Variants in HAUS1 observed in about 807,000 individuals in gnomAD.
The protein encoded by HAUS1 is HAUS augmin like complex subunit 1, also known as HAUS augmin-like complex subunit 1.
Under a neutral mutation model 38.6 loss-of-function variants are expected in HAUS1, and 25 were observed. The ratio of observed to expected loss-of-function variants is 0.65; its 90% CI spans 0.47 to 0.91. The LOEUF (loss-of-function observed/expected upper bound fraction) is 0.91. HAUS1 is among the 40% of genes least tolerant of loss of function. The pLI is 0.00. For missense variants in HAUS1, 325 were observed against 328.4 expected, an observed-to-expected ratio of 0.99 and a Z score of 0.08; for synonymous variants, 109 against 112.9, an observed-to-expected ratio of 0.97 and a Z score of 0.22.
At chr18:46,125,267 A>G (rs1326696360) in intron 7 of HAUS1, among the ~76,000 whole-genome samples, 2 of 149,922 alleles carry the variant, frequency 1.3e-5, no homozygotes, top group East Asian at 2.0e-4. Flanking sequence ...CTCAAAAAAA[A>G]AGGCTGGGCA....
chr18:46,119,967 G>A lies in HAUS1; in HGVS notation c.383G>A (p.Arg128His), dbSNP rs147895912. Residue 128 changes from arginine to histidine, a missense_variant, in exon 4 of 9, where the codon CGT becomes CAT. Coordinates refer to ENST00000282058, the MANE Select transcript of HAUS1 (RefSeq NM_138443.4). ...AVNDLTSDLF[R>H]TKSKSEEIKI... is the part of the protein sequence containing the mutation. The stretch of plus-strand genomic sequence containing the variant: ...AATGATTTGACCTCTGATCTCTTTC[G>A]TACCAAATCCAAAAGTGAAGAAATC... 32 of 1,608,470 alleles carry A rather than the reference G, an allele frequency of 2.0e-5. No individual in the cohort carries two copies. The highest frequency in any genetic ancestry group is 4.5e-5 in the East Asian group (2 of 44,712).
chr18:46,111,820 C>T (rs915891537), intron 2 of HAUS1, among the ~76,000 whole-genome samples: 7 of 151,422 alleles, frequency 4.6e-5, no homozygotes, highest in African/African-American at 1.7e-4. Flanking sequence ...TTCCATTATG[C>T]GTATGTTGGT....
intron 6 of HAUS1, 116 bp from the exon 7 acceptor site, chr18:46,124,706 C>A: frequency 3.5e-6 from 2 of 564,352 alleles, no homozygotes; most frequent in Non-Finnish European, 6.3e-6. Context: ...TATTCGATAA[C>A]GTTATTTAAA....
intron 4 of HAUS1, among the ~76,000 whole-genome samples, chr18:46,120,750 TGA>T (rs1052634938): frequency 6.6e-6 from 1 of 151,484 alleles, no homozygotes; most frequent in African/African-American, 2.4e-5. Context: ...CATGCCCAGC[TGA>T]TTTTTGTGTT....
chr18:46,123,412 C>A, intron 6 of HAUS1, 48 bp downstream of exon 6: 1 of 1,239,332 alleles, frequency 8.1e-7, no homozygotes, highest in Non-Finnish European at 1.2e-6. Flanking sequence ...TTTTACTCCA[C>A]AGTCTGCTTT....
chr18:46,120,087 C>A, intron 4 of HAUS1, 27 bp downstream of exon 4: 1 of 1,512,342 alleles, frequency 6.6e-7, no homozygotes, highest in Admixed American at 2.0e-5. Context: ...AGAGTGGTGA[C>A]AATTTATAAA....
At chr18:46,108,883 A>G (rs1016586124) in intron 2 of HAUS1, among the ~76,000 whole-genome samples, 52 of 152,168 alleles carry the variant, frequency 3.4e-4, no homozygotes, top group African/African-American at 1.2e-3. Flanking sequence ...CATCCTGGCT[A>G]ACACGGTGAA....
intron 2 of HAUS1, among the ~76,000 whole-genome samples, chr18:46,106,468 CAA>C (rs1158577669): frequency 3.8e-5 from 4 of 105,088 alleles, no homozygotes; most frequent in Admixed American, 1.0e-4. Context: ...GACTCCGTCT[CAA>C]AAAAAAAAAA....
At position 46,122,514 on chromosome 18, in the gene HAUS1, T is replaced by C. The variant is rs751755277; in HGVS notation, c.524T>C (p.Val175Ala). Residue 175 changes from valine to alanine, a missense_variant, in exon 5 of 9, where the codon GTT becomes GCT. By Grantham distance (64) the Val-to-Ala change is moderately conservative. Coordinates refer to ENST00000282058, the MANE Select transcript of HAUS1 (RefSeq NM_138443.4). ...CATCTGTCTACAGAAAGGGCCAAAG[T>C]TGATAATCGTCGTCAGAACATGGAC... The part of the protein sequence containing the change: ...ELHLSTERAK[V>A]DNRRQNMDFL... The C allele has an allele frequency of 5.6e-6, 9 of 1,614,076 alleles. No homozygotes were observed. In the East Asian group the frequency reaches 8.9e-5, roughly 16 times the overall value.
intron 2 of HAUS1, 130 bp downstream of exon 2, chr18:46,105,498 A>T: frequency 1.3e-5 from 9 of 669,382 alleles, no homozygotes; most frequent in South Asian, 7.0e-5. Flanking sequence ...ATTTTCTTCC[A>T]CTCTGTTATA....
chr18:46,122,421 AC>A, intron 4 of HAUS1, 45 bp from the exon 5 acceptor site: 2 of 1,590,742 alleles, frequency 1.3e-6, no homozygotes, highest in Non-Finnish European at 1.7e-6. Context: ...CAATACTTTT[AC>A]TGAGAAGAAG....
chr18:46,112,254 G>C (rs1278401756), intron 2 of HAUS1, among the ~76,000 whole-genome samples: 2 of 135,010 alleles, frequency 1.5e-5, no homozygotes, highest in Non-Finnish European at 3.1e-5. Flanking sequence ...TATATAATGT[G>C]TATATATATT....
At position 46,119,925 on chromosome 18, in the gene HAUS1, G is replaced by A. The variant is rs2144260281; in HGVS notation, c.342-1G>A. Reference sequence around the variant, plus strand: ...TGTATATGACCAGATTCTTCTTTTAGTTTTATCCCTGCAGTGAATGATTTG... The same window carrying A: ...TGTATATGACCAGATTCTTCTTTTAATTTTATCCCTGCAGTGAATGATTTG... On this transcript the variant is annotated splice_acceptor_variant, in intron 3 of 8. Transcript: ENST00000282058. LOFTEE classifies it high-confidence loss of function. 6.3e-7 allele frequency: 1 copy of A among 1,581,516 alleles called. No individual in the cohort carries two copies. The highest frequency in any genetic ancestry group is 8.5e-7 in the Non-Finnish European group (1 of 1,169,720).
At position 46,105,242 on chromosome 18, in the gene HAUS1, T is replaced by C. The variant is rs1911427916; in HGVS notation, c.79T>C (p.Tyr27His). 6.2e-7 allele frequency: 1 copy of C among 1,613,244 alleles called. No homozygotes were observed. The highest frequency in any genetic ancestry group is 1.1e-5 in the South Asian group (1 of 91,054). ...ATTTGGAGATCATCCTATTCCACAG[T>C]ATGAGGTGAACCCACGGACCACAGA... ...KIFGDHPIPQ[Y>H]EVNPRTTEIL... Residue 27 changes from tyrosine (Y) to histidine (H), a missense_variant, in exon 2 of 9, where the codon TAT (tyrosine) becomes CAT (histidine). Coordinates refer to ENST00000282058, the MANE Select transcript of HAUS1 (RefSeq NM_138443.4).
chr18:46,113,785 A>G (rs1288324663), intron 2 of HAUS1, among the ~76,000 whole-genome samples: 1 of 152,090 alleles, frequency 6.6e-6, no homozygotes, highest in African/African-American at 2.4e-5. Context: ...TATCCTTGCT[A>G]GGTACTAATC....
intron 2 of HAUS1, among the ~76,000 whole-genome samples, chr18:46,108,503 G>C (rs1481569028): frequency 6.6e-6 from 1 of 151,740 alleles, no homozygotes; most frequent in African/African-American, 2.4e-5. Flanking sequence ...TCTTTTTTCA[G>C]TGTCTTAAAA....
intron 2 of HAUS1, among the ~76,000 whole-genome samples, chr18:46,113,230 C>T (rs1463899230): frequency 6.6e-6 from 1 of 151,262 alleles, no homozygotes; most frequent in South Asian, 2.1e-4. Flanking sequence ...GCGTGCAACA[C>T]TATGCCTGGC....
rs752157708 is a variant in HAUS1, at chr18:46,125,764, G to A, written c.759G>A (p.Val253=). 2 of 1,603,132 alleles carry A rather than the reference G, an allele frequency of 1.2e-6. No homozygotes were observed. The highest frequency in any genetic ancestry group is 1.7e-5 in the Admixed American group (1 of 59,440). Residue 253 remains valine, a synonymous_variant, in exon 8 of 9, where the codon GTG becomes GTA. Coordinates refer to ENST00000282058, the MANE Select transcript of HAUS1 (RefSeq NM_138443.4). ...DLMPNPSLAQ[V]KIEEAKRELD... ...TAAAGAATCCGTCTCTTGCTCAAGT[G>A]AAAATTGAAGAAGCAAAGCGAGAAC...
rs1277680013 is a variant in HAUS1 at position 46,104,403 on chromosome 18, G to A, written c.-9G>A. ...AGGAGTTCCTAGTAAAGTGGCGGGAGCCGCAGCTATGGAGCCGCAGGAGGA... is the reference window on the plus strand; with the variant it reads ...AGGAGTTCCTAGTAAAGTGGCGGGAACCGCAGCTATGGAGCCGCAGGAGGA... On this transcript the variant is annotated 5_prime_UTR_variant, in exon 1 of 9. Transcript: ENST00000282058. The A allele has an allele frequency of 6.9e-7, 1 of 1,454,632 alleles. No individual in the cohort carries two copies. The highest frequency in any genetic ancestry group is 1.4e-5 in the South Asian group (1 of 71,174). The allele number at this position is 1,454,632 out of a possible 1,614,324, so 90.1% of individuals were successfully genotyped here.
Sources: allele counts gnomAD v4.1 joint callset (sites outside exome capture counted in the v4.1 genomes callset), GRCh38; gene constraint gnomAD v4.1.1; transcripts MANE v1.5; gene names NCBI Gene and HGNC (gene_info 2026-07-23, HGNC 2026-07-21).